Variants in SELP observed in about 807,000 individuals in gnomAD.
SELP encodes the protein selectin P.
In SELP, 92 loss-of-function variants were observed where a neutral mutation model predicts 104.1. The observed-to-expected ratio is 0.88, with a 90% CI of 0.75 to 1.05. The LOEUF is 1.05. SELP is among the 50% of genes least tolerant of loss of function. The pLI, the probability that SELP is intolerant of heterozygous loss-of-function variation, is 0.00. For missense variants in SELP, 1,022 were observed against 1,017.3 expected (o/e 1.00, Z -0.06); for synonymous variants, 397 against 364.5 (o/e 1.09, Z -1.01).
Position 169,617,225 on chromosome 1 carries a change from C to T in SELP, c.284G>A (p.Arg95Gln), listed in dbSNP as rs372978525. 1.6e-5 allele frequency: 26 copies of T among 1,613,986 alleles called. No individual in the cohort carries two copies. The highest frequency in any genetic ancestry group is 3.3e-5 in the South Asian group (3 of 91,076). Reference protein sequence around the residue: ...YYSSYYWIGIRKNNKTWTWVG... With the variant: ...YYSSYYWIGIQKNNKTWTWVG... The stretch of plus-strand genomic sequence containing the variant: ...CCATGTCCATGTCTTATTGTTCTTT[C>T]GGATCCCAATCCAGTAGTAGGAGCT... Residue 95 changes from arginine (R) to glutamine (Q), a missense_variant, in exon 3 of 17, where the codon CGA becomes CAA. Coordinates refer to ENST00000263686, the MANE Select transcript of SELP (RefSeq NM_003005.4).
In SELP at chr1:169,597,149, G is replaced by A; in HGVS notation, c.1733C>T (p.Pro578Leu). 6.2e-7 allele frequency: 1 copy of A among 1,604,762 alleles called. No homozygotes were observed. Among genetic ancestry groups the A allele is most frequent in the Non-Finnish European group, 8.5e-7 (1 of 1,175,104 alleles). The change falls in exon 11 of 17, where the codon CCA becomes CTA. Residue 578 changes from proline (P) to leucine (L), a missense_variant. Pro to Leu is a moderately conservative substitution (Grantham distance 98). Transcript: ENST00000263686. The part of the protein sequence containing the change: ...EAIKCPELFA[P>L]EQGSLDCSDT... ...AGAACAATCCAGGCTGCCCTGCTCT[G>A]GGGCAAAGAGTTCTGGGCACTTGAT... is the stretch of plus-strand genomic sequence containing the variant.
intron 4 of SELP, 137 bp downstream of exon 4, chr1:169,613,449 T>G: frequency 1.5e-6 from 1 of 684,532 alleles, no homozygotes; most frequent in Admixed American, 2.3e-5. Context: ...CTAGGGACAC[T>G]GAGTGGAGGA....
intron 3 of SELP, 74 bp downstream of exon 3, chr1:169,616,954 G>T: frequency 4.1e-6 from 6 of 1,472,530 alleles, no homozygotes; most frequent in South Asian, 2.9e-5. Flanking sequence ...TGACTCGGTG[G>T]TTATGTTGGC....
chr1:169,598,433 T>A (rs1027853197), intron 10 of SELP, among the ~76,000 whole-genome samples: 1 of 152,216 alleles, frequency 6.6e-6, no homozygotes, highest in African/African-American at 2.4e-5. Flanking sequence ...TACTGGCCCA[T>A]GTATTTTTCA....
intron 8 of SELP, among the ~76,000 whole-genome samples, chr1:169,608,012 T>C (rs763445426): frequency 9.2e-5 from 14 of 152,156 alleles, no homozygotes; most frequent in Non-Finnish European, 1.5e-4. Context: ...TAATCCCTTA[T>C]GATCCGTTTT....
At position 169,617,334 on chromosome 1, in the gene SELP, A is replaced by G; in HGVS notation, c.175T>C (p.Tyr59His). The G allele has an allele frequency of 4.3e-6, 7 of 1,614,102 alleles. No individual in the cohort carries two copies. Among genetic ancestry groups the G allele is most frequent in the African/African-American group, 1.3e-5 (1 of 75,028 alleles). Residue 59 changes from tyrosine to histidine, a missense_variant, in exon 3 of 17, where the codon TAC becomes CAC. Physicochemically the swap from Tyr to His is moderately conservative, Grantham distance 83. Transcript: ENST00000263686. ...AAGTCTGTGTAGCGATTCTGGCAGTATTTACGGGAAATATTCCATGAGTAT... is the reference window on the plus strand; with the variant it reads ...AAGTCTGTGTAGCGATTCTGGCAGTGTTTACGGGAAATATTCCATGAGTAT... ...KAYSWNISRK[Y>H]CQNRYTDLVA...
At chr1:169,610,260 G>T (rs1440288545) in intron 7 of SELP, among the ~76,000 whole-genome samples, 1 of 151,818 alleles carries the variant, frequency 6.6e-6, no homozygotes, top group African/African-American at 2.4e-5. Context: ...ACCGGGCTTT[G>T]TCTCTAGAAC....
chr1:169,619,464 G>A (rs914892685), intron 1 of SELP, among the ~76,000 whole-genome samples: 15 of 152,164 alleles, frequency 9.9e-5, no homozygotes, highest in Non-Finnish European at 1.9e-4. Context: ...TGTTTATTGA[G>A]TAGTTTGTGC....
chr1:169,607,851 G>A (rs971224827), intron 8 of SELP, among the ~76,000 whole-genome samples: 15 of 152,132 alleles, frequency 9.9e-5, no homozygotes, highest in African/African-American at 3.1e-4. Context: ...AAGGCTTTGC[G>A]TCACATGCAG....
intron 10 of SELP, 42 bp from the exon 11 acceptor site, chr1:169,597,218 T>TCA: frequency 4.0e-6 from 6 of 1,497,236 alleles, no homozygotes; most frequent in South Asian, 1.3e-5. Context: ...CCAAGTTTAT[T>TCA]CAGAAGTTCT....
intron 8 of SELP, 121 bp downstream of exon 8, chr1:169,609,383 A>G (rs764208197): frequency 4.7e-5 from 44 of 937,788 alleles, no homozygotes; most frequent in Non-Finnish European, 6.3e-5. Flanking sequence ...CACAAAGGAC[A>G]TGGCCCATAG....
intron 10 of SELP, among the ~76,000 whole-genome samples, chr1:169,601,091 T>A (rs781638545): frequency 2.0e-5 from 3 of 152,206 alleles, no homozygotes; most frequent in Admixed American, 6.5e-5. Flanking sequence ...TTTTAAAGGT[T>A]TTTTTAAATA....
intron 8 of SELP, among the ~76,000 whole-genome samples, chr1:169,607,996 C>G (rs953894553): frequency 6.6e-6 from 1 of 152,112 alleles, no homozygotes; most frequent in African/African-American, 2.4e-5. Context: ...ACAACAATGG[C>G]TTGAATAATC....
intron 2 of SELP, 84 bp from the exon 3 acceptor site, chr1:169,617,498 G>T: frequency 7.2e-7 from 1 of 1,389,774 alleles, no homozygotes; most frequent in Non-Finnish European, 9.9e-7. Flanking sequence ...TGCATACTCA[G>T]ATGAATTTCC....
chr1:169,599,759 A>G (rs1488995097), intron 10 of SELP, among the ~76,000 whole-genome samples: 1 of 152,176 alleles, frequency 6.6e-6, no homozygotes, highest in Non-Finnish European at 1.5e-5. Flanking sequence ...ATGAAGAAAA[A>G]AATGGAGATG....
chr1:169,594,280 T>A (rs1661486176), intron 13 of SELP, among the ~76,000 whole-genome samples: 1 of 152,168 alleles, frequency 6.6e-6, no homozygotes, highest in Non-Finnish European at 1.5e-5. Context: ...GAAATATACC[T>A]TGCAAACAGA....
intron 14 of SELP, among the ~76,000 whole-genome samples, chr1:169,592,384 A>G (rs1661393196): frequency 1.3e-5 from 2 of 152,192 alleles, no homozygotes; most frequent in East Asian, 1.9e-4. Context: ...AGGTGTTGAG[A>G]CCTATGTCAA....
intron 3 of SELP, among the ~76,000 whole-genome samples, chr1:169,616,267 T>C (rs1293720049): frequency 6.6e-6 from 1 of 152,210 alleles, no homozygotes; most frequent in Non-Finnish European, 1.5e-5. Flanking sequence ...CTATAAAGCA[T>C]TTACAATCCT....
intron 9 of SELP, among the ~76,000 whole-genome samples, chr1:169,605,002 G>T (rs1662112901): frequency 1.3e-5 from 2 of 152,208 alleles, no homozygotes; most frequent in South Asian, 4.1e-4. Flanking sequence ...AGAGGAGAAA[G>T]TTCAGAGTAA....
Sources: allele counts gnomAD v4.1 joint callset (sites outside exome capture counted in the v4.1 genomes callset), GRCh38; gene constraint gnomAD v4.1.1; transcripts MANE v1.5; gene names NCBI Gene and HGNC (gene_info 2026-07-23, HGNC 2026-07-21).